Variants in TTC7B observed in about 807,000 individuals in gnomAD.
TTC7B encodes the protein tetratricopeptide repeat protein 7B.
Under a neutral mutation model 106.8 loss-of-function variants are expected in TTC7B, and 28 were observed. The ratio of observed to expected loss-of-function variants is 0.26; its 90% CI spans 0.19 to 0.36. TTC7B has a LOEUF of 0.36. TTC7B is among the 10% of genes least tolerant of loss of function. The pLI is 1.00. For synonymous variants in TTC7B, 405 were observed against 430.6 expected, an observed-to-expected ratio of 0.94 and a Z score of 0.74; for missense variants, 862 against 1,076.4, an observed-to-expected ratio of 0.80 and a Z score of 2.79.
chr14:90,688,558 G>T (rs1887337132), intron 7 of TTC7B, among the ~76,000 whole-genome samples: 1 of 145,618 alleles, frequency 6.9e-6, no homozygotes, highest in African/African-American at 2.6e-5. Context: ...AGGAGGTGGA[G>T]GTTGCAGTGA....
rs550112740 is a variant in TTC7B at position 90,595,019 on chromosome 14, C to T, written c.1967-1393G>A. The stretch of plus-strand genomic sequence containing the variant: ...GTCTAACAAGTCCTGCTGCACAATA[C>T]GGAACTCAGAGGCTGAGTTAAAAGA... On this transcript the variant is annotated intron_variant, in intron 17 of 19. Coordinates refer to ENST00000328459, the MANE Select transcript of TTC7B (RefSeq NM_001010854.2). Among the ~76,000 whole-genome samples, 303 of 152,290 alleles carry T rather than the reference C, an allele frequency of 2.0e-3. 2 individuals are homozygous for T. The highest frequency in any genetic ancestry group is 5.0e-3 in the South Asian group (24 of 4,830).
rs914229105 is a variant in TTC7B at position 90,570,662 on chromosome 14, C to T, written c.2310+7444G>A. Reference sequence around the variant, plus strand: ...TCACGCTGGTGCAGAAAGGGAAGCTCCATGGGGCCAGGAGATGACTCACTC... The same window carrying T: ...TCACGCTGGTGCAGAAAGGGAAGCTTCATGGGGCCAGGAGATGACTCACTC... On this transcript the variant is annotated intron_variant, in intron 19 of 19. Coordinates refer to ENST00000328459, the MANE Select transcript of TTC7B (RefSeq NM_001010854.2). The surrounding 1 kb of genome is among the most constrained non-coding windows in gnomAD (Gnocchi z 4.0). Among the ~76,000 whole-genome samples the T allele has an allele frequency of 6.6e-6, 1 of 152,112 alleles. No individual in the cohort carries two copies. The highest frequency in any genetic ancestry group is 1.5e-5 in the Non-Finnish European group (1 of 68,032).
intron 3 of TTC7B, among the ~76,000 whole-genome samples, chr14:90,771,795 C>G (rs956904933): frequency 7.3e-5 from 11 of 150,712 alleles, no homozygotes; most frequent in African/African-American, 2.7e-4. Flanking sequence ...CGTGTGTGTG[C>G]ACGTGTGTGT....
intron 5 of TTC7B, among the ~76,000 whole-genome samples, chr14:90,713,203 C>T (rs1888516041): frequency 6.6e-6 from 1 of 152,142 alleles, no homozygotes; most frequent in Admixed American, 6.5e-5. Flanking sequence ...GCATCCTCCA[C>T]CTCCCAGGTT....
intron 19 of TTC7B, among the ~76,000 whole-genome samples, chr14:90,544,725 C>A (rs981936691): frequency 6.6e-6 from 1 of 152,140 alleles, no homozygotes; most frequent in South Asian, 2.1e-4. Context: ...TTCTGGGTAG[C>A]GGCCCTGAGC....
chr14:90,683,943 T>C (rs1035928359), intron 7 of TTC7B, among the ~76,000 whole-genome samples: 18 of 152,318 alleles, frequency 1.2e-4, no homozygotes, highest in African/African-American at 4.3e-4. Flanking sequence ...TTGCAAGCTC[T>C]TGAGGATTTA....
At chr14:90,627,737 C>T (rs1884511658) in intron 15 of TTC7B, among the ~76,000 whole-genome samples, 1 of 152,190 alleles carries the variant, frequency 6.6e-6, no homozygotes, top group Admixed American at 6.5e-5. Flanking sequence ...TGGAATACTC[C>T]CCCATCCTTC....
At chr14:90,615,654 C>T (rs1453312556) in intron 16 of TTC7B, among the ~76,000 whole-genome samples, 1 of 152,200 alleles carries the variant, frequency 6.6e-6, no homozygotes, top group Non-Finnish European at 1.5e-5. Flanking sequence ...CACAGCCCTT[C>T]CTTCAGGCTT....
intron 17 of TTC7B, among the ~76,000 whole-genome samples, chr14:90,605,103 G>A (rs1892585649): frequency 6.6e-6 from 1 of 152,150 alleles, no homozygotes; most frequent in Non-Finnish European, 1.5e-5. Context: ...GGGATCCGCT[G>A]CTTTAAAGGT....
chr14:90,610,989 G>A, intron 16 of TTC7B, 150 bp from the exon 17 acceptor site: 4 of 660,622 alleles, frequency 6.1e-6, no homozygotes, highest in South Asian at 1.7e-5. Flanking sequence ...GAGGCATCCT[G>A]CTTCCTGGCT....
Position 90,587,731 on chromosome 14 carries a change from G to A in TTC7B, c.2107+5755C>T, listed in dbSNP as rs191655096. Among the ~76,000 whole-genome samples, 3 of 152,326 alleles carry A rather than the reference G, an allele frequency of 2.0e-5. No homozygotes were observed. In the East Asian group the frequency reaches 5.8e-4, roughly 29 times the overall value. On this transcript the variant is annotated intron_variant, in intron 18 of 19. Coordinates refer to ENST00000328459, the MANE Select transcript of TTC7B (RefSeq NM_001010854.2). ...CTGTCTTCATAACCATAGGACTCCA[G>A]TGCCTCGCTCCACTGTGGCAGGTGG...
chr14:90,567,890 T>A (rs1890865237), intron 19 of TTC7B, among the ~76,000 whole-genome samples: 1 of 152,224 alleles, frequency 6.6e-6, no homozygotes, highest in African/African-American at 2.4e-5. Flanking sequence ...GCCTCGATGC[T>A]GGGAGAGACT....
chr14:90,543,391 C>T (rs1889686275), intron 19 of TTC7B, among the ~76,000 whole-genome samples: 1 of 152,232 alleles, frequency 6.6e-6, no homozygotes, highest in Non-Finnish European at 1.5e-5. Context: ...TCCCTCCCCT[C>T]ACTCTTGTAA....
intron 17 of TTC7B, among the ~76,000 whole-genome samples, chr14:90,604,398 T>C (rs1302264065): frequency 6.6e-6 from 1 of 152,200 alleles, no homozygotes; most frequent in African/African-American, 2.4e-5. Context: ...GGGATTGCCA[T>C]TAAAGCAAAA....
chr14:90,627,797 A>G (rs1884514679), intron 15 of TTC7B, among the ~76,000 whole-genome samples: 1 of 152,204 alleles, frequency 6.6e-6, no homozygotes. Flanking sequence ...AGCTGGAATA[A>G]ATCACCTCAA....
At chr14:90,648,660 G>C (rs1885579347) in intron 13 of TTC7B, 1 of 152,138 alleles carries the variant, frequency 6.6e-6, no homozygotes, top group Non-Finnish European at 1.5e-5. Context: ...CTACTAAATG[G>C]CTTATTTCTA....
intron 19 of TTC7B, among the ~76,000 whole-genome samples, chr14:90,549,190 T>G (rs1223511050): frequency 6.6e-6 from 1 of 151,110 alleles, no homozygotes; most frequent in Non-Finnish European, 1.5e-5. Context: ...TTGCAGCTGG[T>G]GGAGGTCAAA....
intron 18 of TTC7B, among the ~76,000 whole-genome samples, chr14:90,584,047 C>A (rs1343012830): frequency 6.6e-6 from 1 of 152,112 alleles, no homozygotes; most frequent in Non-Finnish European, 1.5e-5. Flanking sequence ...CTCTGGGACA[C>A]CCCTCGACCT....
At chr14:90,645,751 A>G (rs1885418542) in intron 14 of TTC7B, among the ~76,000 whole-genome samples, 1 of 152,222 alleles carries the variant, frequency 6.6e-6, no homozygotes, top group African/African-American at 2.4e-5. Flanking sequence ...TTTAAGGGAT[A>G]GCTGCCTTGA....
Sources: gnomAD v4.1 joint callset for allele counts (sites outside exome capture counted in the v4.1 genomes callset) on GRCh38, gnomAD v4.1.1 for gene constraint, Gnocchi (gnomAD v3.1) non-coding constraint, MANE v1.5 for transcripts, NCBI Gene and HGNC (gene_info 2026-07-23, HGNC 2026-07-21) for gene names.